Variants in C6orf132 observed in about 807,000 individuals in gnomAD.
The protein encoded by C6orf132 is uncharacterized protein C6orf132.
A neutral mutation model predicts 65.3 loss-of-function variants in C6orf132; 43 were observed. That is an observed-to-expected ratio of 0.66 (90% CI 0.52 to 0.85). The LOEUF (loss-of-function observed/expected upper bound fraction) is 0.85. C6orf132 is among the 40% of genes least tolerant of loss of function. The pLI is 0.00. For synonymous variants in C6orf132, 631 were observed against 654.1 expected, an observed-to-expected ratio of 0.96 and a Z score of 0.54; for missense variants, 1,488 against 1,548.8, an observed-to-expected ratio of 0.96 and a Z score of 0.66.
chr6:42,115,676 G>T (rs980734236), intron 2 of C6orf132, among the ~76,000 whole-genome samples: 1 of 151,908 alleles, frequency 6.6e-6, no homozygotes, highest in Non-Finnish European at 1.5e-5. Flanking sequence ...TAAATAAAAC[G>T]GTTAAAACGG....
At chr6:42,130,656 G>A (rs554749823) in intron 1 of C6orf132, among the ~76,000 whole-genome samples, 1 of 152,218 alleles carries the variant, frequency 6.6e-6, no homozygotes, top group Non-Finnish European at 1.5e-5. Flanking sequence ...CATATTAATG[G>A]CTACTCTTAT....
intron 1 of C6orf132, among the ~76,000 whole-genome samples, chr6:42,133,899 C>T (rs1342723520): frequency 1.6e-5 from 2 of 121,848 alleles, no homozygotes; most frequent in East Asian, 2.0e-4. Context: ...AATATTAATA[C>T]CATCTAACAT....
At chr6:42,130,116 A>C (rs1766828396) in intron 1 of C6orf132, among the ~76,000 whole-genome samples, 2 of 152,338 alleles carry the variant, frequency 1.3e-5, no homozygotes, top group Middle Eastern at 3.4e-3. Flanking sequence ...CTCCCAAGGC[A>C]GGAAGCTGGC....
At chr6:42,132,864 A>AAAAAGAAAAGAAAAGAAAAG (rs1169218182) in intron 1 of C6orf132, among the ~76,000 whole-genome samples, 2,029 of 148,586 alleles carry the variant, frequency 0.014, 59 homozygotes, top group African/African-American at 0.049. Flanking sequence ...CTCAAAAAAA[A>AAAAAGAAAAGAAAAGAAAAG]AAAAGAAAAG....
intron 1 of C6orf132, among the ~76,000 whole-genome samples, chr6:42,135,296 G>A (rs1051715419): frequency 9.2e-5 from 14 of 152,218 alleles, no homozygotes; most frequent in African/African-American, 3.4e-4. Flanking sequence ...GCCTAGCAGG[G>A]GTCAAACATG....
Position 42,106,456 on chromosome 6 carries a change from G to T in C6orf132, c.1456C>A (p.Arg486=), listed in dbSNP as rs774179050. 7.8e-4 allele frequency: 1,197 copies of T among 1,536,144 alleles called. 2 individuals are homozygous for T. The highest frequency in any genetic ancestry group is 8.3e-4 in the Non-Finnish European group (949 of 1,146,860). ...GGGCCTGGCCTGTGACTGAGGAATC[G>T]GTCCTCTCTCCTGGAGCCACAGAGA... The part of the protein sequence containing the change: ...AYLCGSRRED[R]FLSHRPGPTV... Residue 486 remains arginine (R), a synonymous_variant, in exon 4 of 5, where the codon CGA becomes AGA. Coordinates refer to ENST00000341865, the MANE Select transcript of C6orf132 (RefSeq NM_001164446.3).
chr6:42,127,123 T>C (rs1045247896), intron 2 of C6orf132, among the ~76,000 whole-genome samples: 1 of 152,092 alleles, frequency 6.6e-6, no homozygotes, highest in Admixed American at 6.5e-5. Context: ...CCTCACTAAT[T>C]TTTAAATTTT....
At chr6:42,116,207 C>T (rs1766568768) in intron 2 of C6orf132, among the ~76,000 whole-genome samples, 1 of 152,090 alleles carries the variant, frequency 6.6e-6, no homozygotes, top group African/African-American at 2.4e-5. Flanking sequence ...GGATTACAGG[C>T]ATGAGCCACT....
chr6:42,105,107 C>T lies in C6orf132; in HGVS notation c.2805G>A (p.Trp935Ter). The T allele has an allele frequency of 6.5e-7, 1 of 1,536,944 alleles. No individual in the cohort carries two copies. The highest frequency in any genetic ancestry group is 8.7e-7 in the Non-Finnish European group (1 of 1,146,844). Residue 935 changes from tryptophan (W) to a stop codon, truncating the protein, a stop_gained, in exon 4 of 5, where the codon TGG (tryptophan) becomes TGA (stop). Coordinates refer to ENST00000341865, the MANE Select transcript of C6orf132 (RefSeq NM_001164446.3). LOFTEE classifies it high-confidence loss of function. ...CAGGGGCCTGGGGCTCTGGCTTTGTCCAGTTGTGCCTGCGGCTCAGCTCTG... is the reference window on the plus strand; with the variant it reads ...CAGGGGCCTGGGGCTCTGGCTTTGTTCAGTTGTGCCTGCGGCTCAGCTCTG... The part of the protein sequence containing the change: ...EGTELSRRHN[W>*]TKPEPQAPVA...
At position 42,109,539 on chromosome 6, in the gene C6orf132, G is replaced by A. The variant is rs149544542; in HGVS notation, c.328+677C>T. ...AGGGAGACGGCCACACAGATGCCTCGCAGAAGAGCATTCTAACCTGAGAGG... is the reference window on the plus strand; with the variant it reads ...AGGGAGACGGCCACACAGATGCCTCACAGAAGAGCATTCTAACCTGAGAGG... On this transcript the variant is annotated intron_variant, in intron 3 of 4. Transcript: ENST00000341865. Among the ~76,000 whole-genome samples the A allele has an allele frequency of 2.7e-3, 415 of 152,234 alleles. 2 individuals carry two copies. The highest frequency in any genetic ancestry group is 9.6e-3 in the African/African-American group (398 of 41,538).
Position 42,106,240 on chromosome 6 carries a change from A to T in C6orf132, c.1672T>A (p.Ser558Thr). 6 of 1,537,076 alleles carry T rather than the reference A, an allele frequency of 3.9e-6. No homozygotes were observed. The highest frequency in any genetic ancestry group is 5.2e-6 in the Non-Finnish European group (6 of 1,146,882). The change falls in exon 4 of 5, where the codon TCT (serine) becomes ACT (threonine). Residue 558 changes from serine to threonine, a missense_variant. Physicochemically the swap from Ser to Thr is moderately conservative, Grantham distance 58. Transcript: ENST00000341865. ...LPSVDYIPQD[S>T]PTPSVRQIRN... Reference sequence around the variant, plus strand: ...ATCTGCCGCACACTGGGAGTTGGAGAGTCTTGGGGAATGTAGTCCACAGAG... The same window carrying T: ...ATCTGCCGCACACTGGGAGTTGGAGTGTCTTGGGGAATGTAGTCCACAGAG...
Position 42,107,406 on chromosome 6 carries a change from G to T in C6orf132, c.506C>A (p.Thr169Lys). The T allele has an allele frequency of 2.8e-6, 4 of 1,438,368 alleles. No homozygotes were observed. Among genetic ancestry groups the T allele is most frequent in the Non-Finnish European group, 3.8e-6 (4 of 1,064,200 alleles). The allele number at this position is 1,438,368 out of a possible 1,614,324, so 89.1% of individuals were successfully genotyped here. Reference sequence around the variant, plus strand: ...CAGCAGGGGAGGTGGTGGGGGTGCTGTGGAAGGTGGAGATGGCAGTGGCGA... The same window carrying T: ...CAGCAGGGGAGGTGGTGGGGGTGCTTTGGAAGGTGGAGATGGCAGTGGCGA... ...GGSPLPSPPSTAPPPPPLLLE... is the reference protein window; with the variant it reads ...GGSPLPSPPSKAPPPPPLLLE... The change falls in exon 4 of 5, where the codon ACA becomes AAA. Residue 169 changes from threonine to lysine, a missense_variant. By Grantham distance (78) the Thr-to-Lys change is moderately conservative. Transcript: ENST00000341865.
At chr6:42,123,977 G>T (rs544694200) in intron 2 of C6orf132, among the ~76,000 whole-genome samples, 133 of 152,316 alleles carry the variant, frequency 8.7e-4, no homozygotes, top group Admixed American at 3.1e-3. Context: ...GTGTCATTAG[G>T]GCCTGGCTTC....
intron 2 of C6orf132, among the ~76,000 whole-genome samples, chr6:42,111,133 G>T (rs4357133): frequency 0.38 from 56,067 of 146,898 alleles, 11,383 homozygotes; most frequent in African/African-American, 0.58. Context: ...ATTTTTTTTT[G>T]TTTTAATTGA....
rs541122499 is a variant in C6orf132 at position 42,124,860 on chromosome 6, G to A, written c.252+3812C>T. 1.1e-4 allele frequency among the ~76,000 whole-genome samples: 16 copies of A among 152,198 alleles called. No homozygotes were observed. Among genetic ancestry groups the A allele is most frequent in the Non-Finnish European group, 2.4e-4 (16 of 68,040 alleles). Reference sequence around the variant, plus strand: ...CCGCCAGCCGGATTCCCCTCCACCCGGGAGCAAGCGACGAACGACATGGAA... The same window carrying A: ...CCGCCAGCCGGATTCCCCTCCACCCAGGAGCAAGCGACGAACGACATGGAA... On this transcript the variant is annotated intron_variant, in intron 2 of 4. Coordinates refer to ENST00000341865, the MANE Select transcript of C6orf132 (RefSeq NM_001164446.3). This position sits in a 1 kb window ranked among gnomAD's most constrained non-coding sequence, Gnocchi z 4.0.
In C6orf132 at chr6:42,101,718, G is replaced by C. The variant is rs1766286315; in HGVS notation, c.*2043C>G. On this transcript the variant is annotated 3_prime_UTR_variant, in exon 5 of 5. Coordinates refer to ENST00000341865, the MANE Select transcript of C6orf132 (RefSeq NM_001164446.3). The stretch of plus-strand genomic sequence containing the variant: ...ATTGTACAGGGAAAATACATACATA[G>C]AGAGCTAGTGCTGGGGCTGGGGTGG... The C allele has an allele frequency of 6.6e-6, 1 of 152,044 alleles. No individual in the cohort carries two copies. Among genetic ancestry groups the C allele is most frequent in the Non-Finnish European group, 1.5e-5 (1 of 68,028 alleles). The allele number at this position is 152,044 out of a possible 1,614,324, so 9.4% of individuals were successfully genotyped here.
At chr6:42,114,625 G>T (rs1032708841) in intron 2 of C6orf132, among the ~76,000 whole-genome samples, 2 of 152,240 alleles carry the variant, frequency 1.3e-5, no homozygotes, top group Admixed American at 1.3e-4. Context: ...AAATGCACAG[G>T]TGTGGACAGC....
At chr6:42,134,249 C>T (rs6901795) in intron 1 of C6orf132, among the ~76,000 whole-genome samples, 50,571 of 152,090 alleles carry the variant, frequency 0.33, 9,699 homozygotes, top group African/African-American at 0.53. Flanking sequence ...GGGAGCCTCA[C>T]TGGTCTCTCT....
intron 1 of C6orf132, among the ~76,000 whole-genome samples, chr6:42,133,838 GC>G: frequency 5.1e-5 from 5 of 98,378 alleles, no homozygotes; most frequent in African/African-American, 3.0e-4. Context: ...GCGGGGCGGG[GC>G]GGGGCGGGGG....
Sources: allele counts gnomAD v4.1 joint callset (sites outside exome capture counted in the v4.1 genomes callset), GRCh38; gene constraint gnomAD v4.1.1; non-coding constraint Gnocchi (gnomAD v3.1); transcripts MANE v1.5; gene names NCBI Gene and HGNC (gene_info 2026-07-23, HGNC 2026-07-21).